The following CDCP1 variants were observed in gnomAD, a reference collection of about 807,000 sequenced individuals.
CDCP1 encodes the protein CUB domain containing protein 1.
In CDCP1, 29 loss-of-function variants were observed where a neutral mutation model predicts 60.2. The ratio of observed to expected loss-of-function variants is 0.48; its 90% confidence interval spans 0.36 to 0.66. The LOEUF (loss-of-function observed/expected upper bound fraction) is 0.66. CDCP1 is among the 30% of genes least tolerant of loss of function. The pLI, the probability that CDCP1 is intolerant of heterozygous loss-of-function variation, is 0.00. For synonymous variants in CDCP1, 387 were observed against 431.1 expected (o/e 0.90, Z 1.27); for missense variants, 876 against 1,074.3 (o/e 0.82, Z 2.58).
chr3:45,096,489 G>A (rs566919254), intron 4 of CDCP1, among the ~76,000 whole-genome samples: 1 of 151,992 alleles, frequency 6.6e-6, no homozygotes, highest in Non-Finnish European at 1.5e-5. Flanking sequence ...GCTGGGTGTG[G>A]TGGTACATGC....
chr3:45,112,356 C>T lies in CDCP1; in HGVS notation c.382G>A (p.Asp128Asn). ...CCGATGCTCTTATGAGCTTTGACAT[C>T]CCAGATGAAAGTTCTGTTGAGGGTA... Reference protein sequence around the residue: ...LPTLNRTFIWDVKAHKSIGLE... With the variant: ...LPTLNRTFIWNVKAHKSIGLE... The change falls in exon 3 of 9, where the codon GAT (aspartate) becomes AAT (asparagine). Residue 128 changes from aspartate (D) to asparagine (N), a missense_variant. Asp to Asn is a conservative substitution (Grantham distance 23, BLOSUM62 1). Transcript: ENST00000296129. 6.2e-7 allele frequency: 1 copy of T among 1,614,236 alleles called. No individual in the cohort carries two copies. The highest frequency in any genetic ancestry group is 8.5e-7 in the Non-Finnish European group (1 of 1,180,048).
chr3:45,121,414 T>A (rs1016182478), intron 1 of CDCP1, among the ~76,000 whole-genome samples: 1 of 152,200 alleles, frequency 6.6e-6, no homozygotes, highest in South Asian at 2.1e-4. Flanking sequence ...TTTTCTGTAA[T>A]CATGAAAACG....
intron 1 of CDCP1, among the ~76,000 whole-genome samples, chr3:45,130,756 G>A (rs1044436655): frequency 6.6e-6 from 1 of 152,186 alleles, no homozygotes; most frequent in South Asian, 2.1e-4. Flanking sequence ...GCTTACAGGT[G>A]TTGTCCCTGG....
chr3:45,097,307 C>CAA (rs113559480), intron 4 of CDCP1, among the ~76,000 whole-genome samples: 14 of 133,588 alleles, frequency 1.0e-4, no homozygotes, highest in African/African-American at 2.5e-4. Context: ...ACTCTGTCTC[C>CAA]AAAAAAAAAA....
At chr3:45,114,675 A>G (rs1698756077) in intron 2 of CDCP1, among the ~76,000 whole-genome samples, 1 of 152,180 alleles carries the variant, frequency 6.6e-6, no homozygotes. Flanking sequence ...AGCCTCCCAG[A>G]GTGCTGGGAT....
chr3:45,098,732 G>A (rs1311639086), intron 4 of CDCP1, among the ~76,000 whole-genome samples: 2 of 152,046 alleles, frequency 1.3e-5, no homozygotes, highest in East Asian at 1.9e-4. Flanking sequence ...TTGTGTAATC[G>A]TGACTATGTA....
At chr3:45,118,127 C>T (rs1053952031) in intron 2 of CDCP1, among the ~76,000 whole-genome samples, 45 of 152,170 alleles carry the variant, frequency 3.0e-4, no homozygotes, top group Admixed American at 5.9e-4. Context: ...AGCCACAGTA[C>T]CTGGGTTCTT....
At chr3:45,142,730 C>T (rs1699312591) in intron 1 of CDCP1, among the ~76,000 whole-genome samples, 1 of 152,182 alleles carries the variant, frequency 6.6e-6, no homozygotes, top group African/African-American at 2.4e-5. Flanking sequence ...ACTCTTCATC[C>T]CAGCAACTCT....
At chr3:45,142,753 C>T (rs147835169) in intron 1 of CDCP1, among the ~76,000 whole-genome samples, 310 of 151,242 alleles carry the variant, frequency 2.0e-3, no homozygotes, top group African/African-American at 7.0e-3. Context: ...TTCCAGAACA[C>T]GGAAATACGC....
intron 1 of CDCP1, among the ~76,000 whole-genome samples, chr3:45,144,480 C>T (rs978913760): frequency 9.2e-5 from 14 of 152,196 alleles, no homozygotes; most frequent in Non-Finnish European, 1.9e-4. Context: ...TAGGTTTCTA[C>T]GTATTTATGT....
At position 45,092,978 on chromosome 3, in the gene CDCP1, C is replaced by T. The variant is rs748938861; in HGVS notation, c.1627+299G>A. Reference sequence around the variant, plus strand: ...GACTGGGGAATATCTGGCTATTTCTCATTTACGTCCTGCCTGCTTCCAAAA... The same window carrying T: ...GACTGGGGAATATCTGGCTATTTCTTATTTACGTCCTGCCTGCTTCCAAAA... On this transcript the variant is annotated intron_variant, in intron 6 of 8. Coordinates refer to ENST00000296129, the MANE Select transcript of CDCP1 (RefSeq NM_022842.5). 8.5e-5 allele frequency among the ~76,000 whole-genome samples: 13 copies of T among 152,338 alleles called. No individual in the cohort carries two copies. In the South Asian group the frequency reaches 1.4e-3, roughly 17 times the overall value.
intron 1 of CDCP1, chr3:45,139,237 C>T (rs1036906975): frequency 2.0e-5 from 3 of 152,196 alleles, no homozygotes; most frequent in African/African-American, 7.2e-5. Context: ...ATGAAATTCT[C>T]ACTAACTGAG....
At chr3:45,121,062 A>G (rs904136427) in intron 1 of CDCP1, among the ~76,000 whole-genome samples, 1 of 152,200 alleles carries the variant, frequency 6.6e-6, no homozygotes, top group Admixed American at 6.6e-5. Context: ...TTTAAGCCCC[A>G]AAACAACTCC....
At chr3:45,108,829 G>A (rs1368116842) in intron 4 of CDCP1, among the ~76,000 whole-genome samples, 4 of 20,836 alleles carry the variant, frequency 1.9e-4, no homozygotes, top group Admixed American at 5.3e-4. Flanking sequence ...ATATATGCAT[G>A]TATATATATA....
At chr3:45,132,692 C>T (rs183937079) in intron 1 of CDCP1, among the ~76,000 whole-genome samples, 2 of 152,350 alleles carry the variant, frequency 1.3e-5, no homozygotes, top group East Asian at 1.9e-4. Context: ...CTAAAAACAT[C>T]AACTGTGCAG....
intron 4 of CDCP1, chr3:45,110,140 C>T (rs1253983466): frequency 9.5e-7 from 1 of 1,050,488 alleles, no homozygotes; most frequent in African/African-American, 1.7e-5. Context: ...ATCATCATCG[C>T]TGATGGTGCG....
At chr3:45,096,623 CAAAAAAAAA>C (rs5848726) in intron 4 of CDCP1, among the ~76,000 whole-genome samples, 3 of 53,182 alleles carry the variant, frequency 5.6e-5, no homozygotes, top group African/African-American at 7.2e-5. Context: ...GACTCCGTCT[CAAAAAAAAA>C]AAAAAAAAAA....
chr3:45,116,238 T>TAAA (rs141194206), intron 2 of CDCP1, among the ~76,000 whole-genome samples: 54,501 of 135,142 alleles, frequency 0.4, 12,587 homozygotes, highest in South Asian at 0.6. Flanking sequence ...TACTGTTCTG[T>TAAA]TAAAAAAAAA....
intron 4 of CDCP1, among the ~76,000 whole-genome samples, chr3:45,100,417 A>G (rs1698471090): frequency 6.6e-6 from 1 of 152,356 alleles, no homozygotes; most frequent in Admixed American, 6.5e-5. Flanking sequence ...CAAGGAGACC[A>G]TCTGGGGCTC....
Sources: allele counts gnomAD v4.1 joint callset (sites outside exome capture counted in the v4.1 genomes callset), GRCh38; gene constraint gnomAD v4.1.1; transcripts MANE v1.5; gene names NCBI Gene and HGNC (gene_info 2026-07-23, HGNC 2026-07-21).